The following PFKFB2 variants were observed in gnomAD, a reference collection of about 807,000 sequenced individuals.
PFKFB2 encodes the protein 6-phosphofructo-2-kinase/fructose-2,6-bisphosphatase 2.
In PFKFB2, 53 loss-of-function variants were observed where a neutral mutation model predicts 68.0. The ratio of observed to expected loss-of-function variants is 0.78; its 90% CI spans 0.63 to 0.98. The LOEUF is 0.98. Ranked by LOEUF, PFKFB2 falls within the 50% of genes least tolerant of loss-of-function variation. The pLI is 0.00. For missense variants in PFKFB2, 451 were observed against 642.0 expected (o/e 0.70, Z 3.22); for synonymous variants, 222 against 227.6 (o/e 0.98, Z 0.22).
chr1:207,077,915 A>C, downstream of PFKFB2: 1 of 482,736 alleles, frequency 2.1e-6, no homozygotes, highest in Non-Finnish European at 2.7e-6. Context: ...AAGGATTCAG[A>C]CTCAGACAAG....
chr1:207,074,897 G>T lies in PFKFB2; in HGVS notation c.*2526G>T. The T allele has an allele frequency of 5.1e-6, 5 of 985,504 alleles. No homozygotes were observed. The highest frequency in any genetic ancestry group is 6.0e-6 in the Non-Finnish European group (5 of 829,966). The allele number at this position is 985,504 out of a possible 1,614,324, so 61.0% of individuals were successfully genotyped here. On this transcript the variant is annotated 3_prime_UTR_variant, in exon 15 of 15. Coordinates refer to ENST00000367080, the MANE Select transcript of PFKFB2 (RefSeq NM_006212.2). Reference sequence around the variant, plus strand: ...TGGCTATGAGACTACAGGGGTTGGGGGATGGGGATGCCCCCACCACCACCA... The same window carrying T: ...TGGCTATGAGACTACAGGGGTTGGGTGATGGGGATGCCCCCACCACCACCA...
chr1:207,065,994 C>T (rs1316799710), intron 8 of PFKFB2, among the ~76,000 whole-genome samples: 1 of 152,140 alleles, frequency 6.6e-6, no homozygotes, highest in Non-Finnish European at 1.5e-5. Context: ...TGATATTTTA[C>T]ATATATTAAT....
At chr1:207,078,890 A>T, downstream of PFKFB2, 1 of 1,363,164 alleles carries the variant, frequency 7.3e-7, no homozygotes, top group Non-Finnish European at 1.0e-6. Context: ...ATTCTGTTCT[A>T]CTTTTATGTT....
At chr1:207,041,577 T>C (rs1682481258) in intron 1 of PFKFB2, among the ~76,000 whole-genome samples, 1 of 152,254 alleles carries the variant, frequency 6.6e-6, no homozygotes, top group Non-Finnish European at 1.5e-5. Flanking sequence ...TTCTTTTCTA[T>C]GGCTGCATAG....
At chr1:207,064,729 C>T (rs764590527) in intron 7 of PFKFB2, among the ~76,000 whole-genome samples, 1 of 152,202 alleles carries the variant, frequency 6.6e-6, no homozygotes, top group East Asian at 1.9e-4. Flanking sequence ...ACATTGGAGC[C>T]TGTTCTGTTT....
At chr1:207,038,272 T>A (rs1682416884) in intron 1 of PFKFB2, among the ~76,000 whole-genome samples, 1 of 152,196 alleles carries the variant, frequency 6.6e-6, no homozygotes, top group African/African-American at 2.4e-5. Context: ...AATACAGCAA[T>A]AACAAAAGTC....
chr1:207,038,084 T>G (rs992330680), intron 1 of PFKFB2, among the ~76,000 whole-genome samples: 1 of 152,206 alleles, frequency 6.6e-6, no homozygotes, highest in South Asian at 2.1e-4. Flanking sequence ...TACAGTAAAT[T>G]TTGAGGAACA....
rs2102278268 is a variant in PFKFB2, at chr1:207,070,400, A to G, written c.1213A>G (p.Lys405Glu). The G allele has an allele frequency of 6.2e-7, 1 of 1,613,830 alleles. No homozygotes were observed. The highest frequency in any genetic ancestry group is 8.5e-7 in the Non-Finnish European group (1 of 1,179,944). The change falls in exon 12 of 15, where the codon AAG (lysine) becomes GAG (glutamate). Residue 405 changes from lysine (K) to glutamate (E), a missense_variant. Coordinates refer to ENST00000367080, the MANE Select transcript of PFKFB2 (RefSeq NM_006212.2). This position sits in a 1 kb window ranked among gnomAD's most constrained non-coding sequence, Gnocchi z 4.2. ...CTGCCTCCTGGCCTACTTCTTGGAT[A>G]AGGGCGCAGGTGCCTTTGAGGGAGG... ...MRCLLAYFLD[K>E]GADELPYLRC... is the part of the protein sequence containing the mutation.
chr1:207,040,923 AT>A (rs397862660), intron 1 of PFKFB2, among the ~76,000 whole-genome samples: 12,255 of 117,216 alleles, frequency 0.1, 310 homozygotes, highest in Admixed American at 0.16. Flanking sequence ...TTTAAAACAG[AT>A]TTTTTTTTTT....
Position 207,070,865 on chromosome 1 carries a change from C to A in PFKFB2, c.1223-323C>A. On this transcript the variant is annotated intron_variant, in intron 12 of 14. Coordinates refer to ENST00000367080, the MANE Select transcript of PFKFB2 (RefSeq NM_006212.2). The surrounding 1 kb of genome is among the most constrained non-coding windows in gnomAD (Gnocchi z 4.2). ...GCATTGTGGATGCTGAGCTCAGCAT[C>A]CTGAGCTGCTTGGAAGCTGTTGTGG... The A allele has an allele frequency of 3.2e-6, 1 of 312,484 alleles. No homozygotes were observed. The highest frequency in any genetic ancestry group is 6.0e-6 in the Non-Finnish European group (1 of 165,938). 19.4% of individuals were successfully genotyped at this position (312,484 alleles called of 1,614,324 possible).
chr1:207,069,130 C>G (rs138175215), intron 10 of PFKFB2, among the ~76,000 whole-genome samples: 1 of 152,308 alleles, frequency 6.6e-6, no homozygotes, highest in East Asian at 1.9e-4. Context: ...TTCTCTGCTT[C>G]CTGTTCCTTT....
At chr1:207,043,019 C>CT (rs766354163) in intron 2 of PFKFB2, among the ~76,000 whole-genome samples, 1,441 of 142,490 alleles carry the variant, frequency 0.01, 6 homozygotes, top group Non-Finnish European at 0.015. Flanking sequence ...GATTCCCAAA[C>CT]TTTTTTTTTT....
chr1:207,071,310 T>C, intron 13 of PFKFB2, 60 bp downstream of exon 13: 1 of 1,447,878 alleles, frequency 6.9e-7, no homozygotes, highest in Non-Finnish European at 9.7e-7. Flanking sequence ...GAATTTTCTC[T>C]GAAGTTTGTC....
chr1:207,071,697 A>C, intron 14 of PFKFB2, 124 bp downstream of exon 14: 1 of 716,940 alleles, frequency 1.4e-6, no homozygotes, highest in South Asian at 1.7e-5. Context: ...ACTTACGTCC[A>C]AATGTAGTTT....
chr1:207,050,984 G>A (rs1441934448), upstream of PFKFB2: 1 of 1,532,874 alleles, frequency 6.5e-7, no homozygotes, highest in African/African-American at 1.4e-5. Flanking sequence ...GGGGAAACCA[G>A]GCGCCGGGTG....
At position 207,073,997 on chromosome 1, in the gene PFKFB2, G is replaced by T. The variant is rs994662646; in HGVS notation, c.*1626G>T. On this transcript the variant is annotated 3_prime_UTR_variant, in exon 15 of 15. Transcript: ENST00000367080. Reference sequence around the variant, plus strand: ...TGGTAATGGAAGACTTTTTGCTGTGGTTCTCATCCAGGAGTATTCCTTAGA... The same window carrying T: ...TGGTAATGGAAGACTTTTTGCTGTGTTTCTCATCCAGGAGTATTCCTTAGA... The T allele has an allele frequency of 1.0e-6, 1 of 983,470 alleles. No homozygotes were observed. Among genetic ancestry groups the T allele is most frequent in the African/African-American group, 1.7e-5 (1 of 57,198 alleles). The allele number at this position is 983,470 out of a possible 1,614,324, so 60.9% of individuals were successfully genotyped here. A position where few individuals can be genotyped will look rare whatever the true frequency, so the allele number is the denominator to read the frequency against.
upstream of PFKFB2, chr1:207,051,015 T>C: frequency 6.6e-7 from 1 of 1,513,592 alleles, no homozygotes; most frequent in Non-Finnish European, 8.8e-7. Flanking sequence ...TGGCGACCTT[T>C]AGCGGGGCCA....
intron 9 of PFKFB2, 71 bp from the exon 10 acceptor site, chr1:207,068,092 T>TTGGGTGTGTG: frequency 1.3e-6 from 1 of 781,550 alleles, no homozygotes; most frequent in Non-Finnish European, 1.9e-6. Flanking sequence ...TATGTGTGTG[T>TTGGGTGTGTG]TGAGTGTGTG....
downstream of PFKFB2, chr1:207,079,451 A>T (rs1310444929): frequency 5.2e-6 from 1 of 192,820 alleles, no homozygotes; most frequent in Non-Finnish European, 1.1e-5. Context: ...CCAGGCGAGC[A>T]GGCTAGAGTC....
Sources: gnomAD v4.1 joint callset for allele counts (sites outside exome capture counted in the v4.1 genomes callset) on GRCh38, gnomAD v4.1.1 for gene constraint, Gnocchi (gnomAD v3.1) non-coding constraint, MANE v1.5 for transcripts, NCBI Gene and HGNC (gene_info 2026-07-23, HGNC 2026-07-21) for gene names.